SPAG17: variants seen among roughly 807,000 people sequenced by gnomAD.
The protein encoded by SPAG17 is sperm-associated antigen 17.
SPAG17 carries 169 observed loss-of-function variants against 273.6 expected under a neutral mutation model. The observed-to-expected ratio is 0.62, with a 90% CI of 0.55 to 0.70. The LOEUF (loss-of-function observed/expected upper bound fraction) is 0.70, where lower values mean the gene tolerates loss of function less well. Ranked by LOEUF, SPAG17 falls within the 30% of genes least tolerant of loss-of-function variation. SPAG17 has a pLI of 0.00. For missense variants in SPAG17, 2,557 were observed against 2,627.8 expected, an observed-to-expected ratio of 0.97 and a Z score of 0.59; for synonymous variants, 825 against 873.2, an observed-to-expected ratio of 0.94 and a Z score of 0.97.
intron 44 of SPAG17, 82 bp downstream of exon 44, chr1:117,973,343 G>T (rs1654774791): frequency 6.6e-7 from 1 of 1,517,712 alleles, no homozygotes. Flanking sequence ...TACAAAAGGA[G>T]CAGGATTGAA....
rs562936185 is a variant in SPAG17 at position 118,127,719 on chromosome 1, C to A, written c.316-12278G>T. Among the ~76,000 whole-genome samples the A allele has an allele frequency of 3.9e-5, 6 of 152,328 alleles. No homozygotes were observed. In the East Asian group the frequency reaches 1.2e-3, roughly 29 times the overall value. ...TATGGTCATTTTGACAAGATTCATTCTTCCAATCCATGAACAAAGGATATC... is the reference window on the plus strand; with the variant it reads ...TATGGTCATTTTGACAAGATTCATTATTCCAATCCATGAACAAAGGATATC... On this transcript the variant is annotated intron_variant, in intron 3 of 48. Coordinates refer to ENST00000336338, the MANE Select transcript of SPAG17 (RefSeq NM_206996.4).
At chr1:118,086,560 T>C (rs1655011425) in intron 12 of SPAG17, 111 bp downstream of exon 12, 3 of 910,496 alleles carry the variant, frequency 3.3e-6, no homozygotes, top group African/African-American at 1.7e-5. Context: ...ATTTTGTACA[T>C]TACATTTTAA....
At chr1:118,007,426 A>G (rs1659010351) in intron 31 of SPAG17, among the ~76,000 whole-genome samples, 2 of 152,222 alleles carry the variant, frequency 1.3e-5, no homozygotes, top group African/African-American at 4.8e-5. Flanking sequence ...CAGCAAGTGA[A>G]AAGCTGAAAG....
chr1:118,112,260 A>G (rs1038168305), intron 4 of SPAG17, among the ~76,000 whole-genome samples: 4 of 152,068 alleles, frequency 2.6e-5, no homozygotes, highest in African/African-American at 9.7e-5. Flanking sequence ...CAAAAATGTG[A>G]GTAGATATAT....
intron 3 of SPAG17, among the ~76,000 whole-genome samples, chr1:118,126,834 G>A (rs1172564425): frequency 6.6e-6 from 1 of 152,144 alleles, no homozygotes; most frequent in African/African-American, 2.4e-5. Context: ...TTACATTTAA[G>A]TCTTTAATCC....
Position 117,970,056 on chromosome 1 carries a change from A to T in SPAG17, c.6387T>A (p.Pro2129=). The T allele has an allele frequency of 6.2e-7, 1 of 1,613,544 alleles. No individual in the cohort carries two copies. The highest frequency in any genetic ancestry group is 8.5e-7 in the Non-Finnish European group (1 of 1,179,706). The part of the protein sequence containing the change: ...TGLKVTYKPG[P]VAAGMQTELN... The stretch of plus-strand genomic sequence containing the variant: ...ACAACAGATGACATATAGGACTTAC[A>T]GGTCCAGGTTTGTAAGTCACTTTCA... The change falls in exon 46 of 49, where the codon CCT becomes CCA. Residue 2129 remains proline, a splice_region_variant and synonymous_variant. Transcript: ENST00000336338.
At chr1:117,974,518 A>C (rs992849403) in intron 43 of SPAG17, among the ~76,000 whole-genome samples, 5 of 151,068 alleles carry the variant, frequency 3.3e-5, no homozygotes, top group Admixed American at 6.6e-5. Flanking sequence ...AGATTTATTA[A>C]AACTAATGAG....
At chr1:118,138,915 C>T (rs191082418) in intron 3 of SPAG17, among the ~76,000 whole-genome samples, 20 of 152,140 alleles carry the variant, frequency 1.3e-4, no homozygotes, top group Admixed American at 3.9e-4. Context: ...CTTAGATACC[C>T]CTCAGACATA....
intron 3 of SPAG17, among the ~76,000 whole-genome samples, chr1:118,136,158 T>C (rs2102309818): frequency 6.6e-6 from 1 of 152,354 alleles, no homozygotes; most frequent in East Asian, 1.9e-4. Context: ...TTATTTATCA[T>C]TCTTAAATTC....
intron 18 of SPAG17, among the ~76,000 whole-genome samples, chr1:118,057,441 T>A (rs558097876): frequency 3.9e-4 from 60 of 152,316 alleles, no homozygotes; most frequent in South Asian, 3.9e-3. Context: ...CAGACCTTTT[T>A]AATGAGTCTG....
intron 43 of SPAG17, among the ~76,000 whole-genome samples, chr1:117,976,197 G>A (rs909444739): frequency 1.2e-4 from 18 of 152,144 alleles, no homozygotes; most frequent in African/African-American, 4.3e-4. Context: ...TACCCTCCAG[G>A]GATCAGGATA....
At chr1:118,150,746 A>C (rs1659330707) in intron 2 of SPAG17, 117 bp from the exon 3 acceptor site, 1 of 578,282 alleles carries the variant, frequency 1.7e-6, no homozygotes, top group Non-Finnish European at 3.0e-6. Context: ...AGCAAGAAAG[A>C]GGTACCCATG....
chr1:118,108,554 T>C (rs1263399059), intron 4 of SPAG17, among the ~76,000 whole-genome samples: 1 of 152,178 alleles, frequency 6.6e-6, no homozygotes, highest in Non-Finnish European at 1.5e-5. Flanking sequence ...CTAAGGTCAT[T>C]AGCTCACAAC....
chr1:118,135,642 T>G (rs1415212103), intron 3 of SPAG17, among the ~76,000 whole-genome samples: 2 of 152,190 alleles, frequency 1.3e-5, no homozygotes, highest in Non-Finnish European at 2.9e-5. Flanking sequence ...TTGTGAAAAG[T>G]GGTCAGTATT....
chr1:118,097,784 C>G lies in SPAG17; in HGVS notation c.897G>C (p.Leu299Phe), dbSNP rs773282510. ...GTTTCTCATTATTCAGGACTGGTTC[C>G]AAGTACTTCCAGAAAGTTTTAAGCT... ...IKELKTFWKYLEPVLNNEKPE... is the reference protein window; with the variant it reads ...IKELKTFWKYFEPVLNNEKPE... Residue 299 changes from leucine (L) to phenylalanine (F), a missense_variant, in exon 7 of 49, where the codon TTG becomes TTC. Physicochemically the swap from Leu to Phe is conservative, Grantham distance 22 (BLOSUM62 0). Transcript: ENST00000336338. 1 of 1,607,870 alleles carries G rather than the reference C, an allele frequency of 6.2e-7. No individual in the cohort carries two copies. Among genetic ancestry groups the G allele is most frequent in the Admixed American group, 1.7e-5 (1 of 58,714 alleles).
chr1:118,064,786 TA>T (rs1231740087), intron 18 of SPAG17, among the ~76,000 whole-genome samples: 1 of 151,168 alleles, frequency 6.6e-6, no homozygotes, highest in Non-Finnish European at 1.5e-5. Context: ...AGAAAGATAA[TA>T]AAAATACTAT....
chr1:118,058,118 A>G (rs1024944049), intron 18 of SPAG17, among the ~76,000 whole-genome samples: 26 of 152,342 alleles, frequency 1.7e-4, no homozygotes, highest in African/African-American at 6.3e-4. Flanking sequence ...TAAATTCTTT[A>G]GCATTTAAAA....
chr1:118,184,839 A>G (rs1419902775), intron 1 of SPAG17, among the ~76,000 whole-genome samples: 2 of 152,146 alleles, frequency 1.3e-5, no homozygotes, highest in Admixed American at 1.3e-4. Context: ...TCTCTTCCCC[A>G]CTAGGCAGTT....
At chr1:117,959,232 G>A (rs564748947) in intron 48 of SPAG17, 10 of 1,559,266 alleles carry the variant, frequency 6.4e-6, no homozygotes, top group African/African-American at 2.7e-5. Flanking sequence ...ACTCTCATAC[G>A]CTGCTATAAT....
Sources: allele counts gnomAD v4.1 joint callset (sites outside exome capture counted in the v4.1 genomes callset), GRCh38; gene constraint gnomAD v4.1.1; transcripts MANE v1.5; gene names NCBI Gene and HGNC (gene_info 2026-07-23, HGNC 2026-07-21).